CEP162: variants seen among roughly 807,000 people sequenced by gnomAD.
The protein encoded by CEP162 is centrosomal protein of 162 kDa.
Under a neutral mutation model 169.2 loss-of-function variants are expected in CEP162, and 141 were observed. The observed-to-expected ratio is 0.83, with a 90% CI of 0.73 to 0.96. The LOEUF is 0.96. Ranked by LOEUF, CEP162 falls within the 40% of genes least tolerant of loss-of-function variation. CEP162 has a pLI of 0.00. For missense variants in CEP162, 1,600 were observed against 1,587.2 expected (o/e 1.01, Z -0.14); for synonymous variants, 540 against 526.4 (o/e 1.03, Z -0.35).
chr6:84,170,857 C>T (rs1227813921), intron 17 of CEP162, among the ~76,000 whole-genome samples: 1 of 152,170 alleles, frequency 6.6e-6, no homozygotes, highest in African/African-American at 2.4e-5. Context: ...TAAGTAGGTG[C>T]TGGTGCTCCA....
intron 11 of CEP162, among the ~76,000 whole-genome samples, chr6:84,191,263 C>A (rs1194431057): frequency 6.6e-6 from 1 of 152,004 alleles, no homozygotes; most frequent in Non-Finnish European, 1.5e-5. Flanking sequence ...GATGGGCATA[C>A]CCCTCAACCT....
Position 84,124,920 on chromosome 6 carries a change from T to C in CEP162, c.*150A>G, listed in dbSNP as rs1011615341. ...ATTATATGTTTTTTTTCTTATTGGT[T>C]AAAGGCAATTTATTTTGAAATGTTG... On this transcript the variant is annotated 3_prime_UTR_variant, in exon 27 of 27. Transcript: ENST00000403245. The C allele has an allele frequency of 1.2e-5, 8 of 674,070 alleles. No individual in the cohort carries two copies. The highest frequency in any genetic ancestry group is 3.9e-4 in the Middle Eastern group (1 of 2,570). The allele number at this position is 674,070 out of a possible 1,614,324, so 41.8% of individuals were successfully genotyped here.
At chr6:84,218,322 C>T (rs2099552332) in intron 3 of CEP162, among the ~76,000 whole-genome samples, 1 of 152,154 alleles carries the variant, frequency 6.6e-6, no homozygotes, top group African/African-American at 2.4e-5. Flanking sequence ...TGAGCGTAAG[C>T]CTAAGAGGAA....
chr6:84,160,801 T>C lies in CEP162; in HGVS notation c.2781+11A>G. On this transcript the variant is annotated intron_variant, in intron 21 of 26. Transcript: ENST00000403245. ...AAAATATGCTCATGAAAATTTACCC[T>C]GAACACATACTTGTCGCTCCAGATC... 6.5e-7 allele frequency: 1 copy of C among 1,542,188 alleles called. No homozygotes were observed. Among genetic ancestry groups the C allele is most frequent in the Non-Finnish European group, 9.0e-7 (1 of 1,115,054 alleles).
chr6:84,152,613 A>C lies in CEP162; in HGVS notation c.3561T>G (p.Ile1187Met). The C allele has an allele frequency of 2.6e-6, 4 of 1,567,032 alleles. No homozygotes were observed. The highest frequency in any genetic ancestry group is 3.5e-6 in the Non-Finnish European group (4 of 1,154,880). The change falls in exon 23 of 27, where the codon ATT (isoleucine) becomes ATG (methionine). Residue 1187 changes from isoleucine (I) to methionine (M), a missense_variant. Coordinates refer to ENST00000403245, the MANE Select transcript of CEP162 (RefSeq NM_014895.4). ...TCATCTTCAGTTCATTCTTCTCTGA[A>C]ATTAATCCTTCTAGCTCATTTTTTA... Reference protein sequence around the residue: ...YRLKNELEGLISEKNELKMKS... With the variant: ...YRLKNELEGLMSEKNELKMKS...
In CEP162 at chr6:84,126,389, C is replaced by T; in HGVS notation, c.3994G>A (p.Glu1332Lys). The T allele has an allele frequency of 1.3e-6, 2 of 1,591,542 alleles. No individual in the cohort carries two copies. Among genetic ancestry groups the T allele is most frequent in the East Asian group, 2.3e-5 (1 of 44,228 alleles). ...GTGATTTACTTTACCTGTTGAAGTTCCTGTTCTCTTTGTGCATGTCTCATT... is the reference window on the plus strand; with the variant it reads ...GTGATTTACTTTACCTGTTGAAGTTTCTGTTCTCTTTGTGCATGTCTCATT... ...MEMRHAQREQELQQIIQQTHQ... is the reference protein window; with the variant it reads ...MEMRHAQREQKLQQIIQQTHQ... Residue 1332 changes from glutamate (E) to lysine (K), a missense_variant, in exon 26 of 27, where the codon GAA (glutamate) becomes AAA (lysine). Coordinates refer to ENST00000403245, the MANE Select transcript of CEP162 (RefSeq NM_014895.4).
Position 84,125,478 on chromosome 6 carries a change from C to G in CEP162, c.4006-202G>C, listed in dbSNP as rs74536587. On this transcript the variant is annotated intron_variant, in intron 26 of 26. Transcript: ENST00000403245. The stretch of plus-strand genomic sequence containing the variant: ...AGGGACTAAATGTTTGTGTCCCCCT[C>G]AAATTCATATGTTGAATTTCCTAAC... Among the ~76,000 whole-genome samples, 931 of 152,172 alleles carry G rather than the reference C, an allele frequency of 6.1e-3. 12 individuals are homozygous for G. The highest frequency in any genetic ancestry group is 0.018 in the South Asian group (85 of 4,816).
chr6:84,225,337 A>G (rs2099555286), intron 2 of CEP162, among the ~76,000 whole-genome samples: 1 of 152,198 alleles, frequency 6.6e-6, no homozygotes, highest in Admixed American at 6.5e-5. Context: ...CATGTACTGT[A>G]CTGAATCCTG....
intron 26 of CEP162, among the ~76,000 whole-genome samples, 196 bp from the exon 27 acceptor site, chr6:84,125,472 C>A (rs2099508551): frequency 6.6e-6 from 1 of 152,002 alleles, no homozygotes; most frequent in South Asian, 2.1e-4. Flanking sequence ...ATGTTTGTGT[C>A]CCCCTCAAAT....
chr6:84,192,506 T>C (rs1432209782), intron 11 of CEP162, among the ~76,000 whole-genome samples: 4 of 152,210 alleles, frequency 2.6e-5, no homozygotes, highest in Non-Finnish European at 4.4e-5. Context: ...ACACTTAGCA[T>C]TGAAGTGAAT....
chr6:84,216,453 T>C (rs1332081470), intron 3 of CEP162, among the ~76,000 whole-genome samples: 1 of 152,202 alleles, frequency 6.6e-6, no homozygotes, highest in Non-Finnish European at 1.5e-5. Flanking sequence ...AAAGTCATTA[T>C]TTCTAAAACA....
chr6:84,197,760 T>C (rs1308540039), intron 9 of CEP162, among the ~76,000 whole-genome samples: 1 of 147,204 alleles, frequency 6.8e-6, no homozygotes, highest in Non-Finnish European at 1.5e-5. Context: ...GAGACTGCAG[T>C]GAGCGGAGAT....
chr6:84,176,615 G>A (rs577491735), intron 13 of CEP162, among the ~76,000 whole-genome samples: 6 of 152,244 alleles, frequency 3.9e-5, no homozygotes, highest in African/African-American at 1.4e-4. Flanking sequence ...TCAACATGAC[G>A]CTCATAGAAA....
intron 5 of CEP162, among the ~76,000 whole-genome samples, chr6:84,214,071 G>T (rs889795097): frequency 1.3e-5 from 2 of 152,188 alleles, no homozygotes; most frequent in Non-Finnish European, 2.9e-5. Flanking sequence ...AAGGTCAGGA[G>T]ATCGAGACCA....
chr6:84,164,509 T>C lies in CEP162; in HGVS notation c.2386-1239A>G, dbSNP rs566167453. On this transcript the variant is annotated intron_variant, in intron 18 of 26. Coordinates refer to ENST00000403245, the MANE Select transcript of CEP162 (RefSeq NM_014895.4). ...GGCACATGTACACCATGGAATACTA[T>C]GCAGCCATAAAAAGGAATGAATTCA... Among the ~76,000 whole-genome samples the C allele has an allele frequency of 4.6e-5, 7 of 152,282 alleles. No homozygotes were observed. In the South Asian group the frequency reaches 1.2e-3, roughly 27 times the overall value.
At chr6:84,144,970 CTCTTTG>C (rs1217275015) in intron 25 of CEP162, among the ~76,000 whole-genome samples, 1 of 152,002 alleles carries the variant, frequency 6.6e-6, no homozygotes, top group African/African-American at 2.4e-5. Flanking sequence ...AGAATCTGTT[CTCTTTG>C]TAACACAACT....
intron 15 of CEP162, 53 bp downstream of exon 15, chr6:84,174,674 C>CTTT: frequency 1.5e-6 from 1 of 688,854 alleles, no homozygotes; most frequent in Non-Finnish European, 2.2e-6. Flanking sequence ...GGGAATTCAG[C>CTTT]TTTTTTTTTT....
intron 18 of CEP162, 132 bp from the exon 19 acceptor site, chr6:84,163,402 TACCACCTGCCCC>T: frequency 1.5e-6 from 1 of 663,780 alleles, no homozygotes. Flanking sequence ...ATGTTATTAC[TACCACCTGCCCC>T]ACCCCAGAAT....
intron 19 of CEP162, 84 bp from the exon 20 acceptor site, chr6:84,161,993 C>T: frequency 1.2e-6 from 1 of 845,234 alleles, no homozygotes; most frequent in Non-Finnish European, 1.8e-6. Flanking sequence ...TAAATGAAAA[C>T]CAATGCCCAT....
Sources: allele counts gnomAD v4.1 joint callset (sites outside exome capture counted in the v4.1 genomes callset), GRCh38; gene constraint gnomAD v4.1.1; transcripts MANE v1.5; gene names NCBI Gene and HGNC (gene_info 2026-07-23, HGNC 2026-07-21).